Variants in AGBL4 observed in about 807,000 individuals in gnomAD.
The protein encoded by AGBL4 is AGBL carboxypeptidase 4.
A neutral mutation model predicts 66.4 loss-of-function variants in AGBL4; 58 were observed. That is an observed-to-expected ratio of 0.87 (90% CI 0.71 to 1.09). AGBL4 has a LOEUF of 1.09. AGBL4 is among the 50% of genes least tolerant of loss of function. AGBL4 has a pLI of 0.00. For synonymous variants in AGBL4, 234 were observed against 222.9 expected, an observed-to-expected ratio of 1.05 and a Z score of -0.44; for missense variants, 579 against 631.0, an observed-to-expected ratio of 0.92 and a Z score of 0.88.
intron 4 of AGBL4, among the ~76,000 whole-genome samples, chr1:49,200,901 G>A (rs1647648593): frequency 6.6e-6 from 1 of 152,108 alleles, no homozygotes; most frequent in South Asian, 2.1e-4. Flanking sequence ...GGGGGGTGGG[G>A]TTAAAAAGCC....
chr1:49,493,791 T>A (rs555016265), intron 3 of AGBL4, among the ~76,000 whole-genome samples: 1 of 152,144 alleles, frequency 6.6e-6, no homozygotes, highest in Non-Finnish European at 1.5e-5. Flanking sequence ...AAAAAATAAA[T>A]CCTATTTTTT....
At chr1:49,645,081 A>T (rs1318345239) in intron 3 of AGBL4, among the ~76,000 whole-genome samples, 1 of 151,608 alleles carries the variant, frequency 6.6e-6, no homozygotes, top group Non-Finnish European at 1.5e-5. Context: ...TGAACTAAAC[A>T]GAAATAAAAA....
chr1:48,911,245 TC>T (rs1181406237), intron 5 of AGBL4, among the ~76,000 whole-genome samples: 28 of 152,250 alleles, frequency 1.8e-4, no homozygotes, highest in Admixed American at 1.5e-3. Context: ...TTATGAGGAG[TC>T]CTAGCTCCTC....
chr1:48,802,419 GTGTCTGGACCCCCATC>G (rs1252904498), intron 6 of AGBL4, among the ~76,000 whole-genome samples: 1 of 10,986 alleles, frequency 9.1e-5, no homozygotes, highest in Non-Finnish European at 2.6e-3. Context: ...TCTTATTTAT[GTGTCTGGACCCCCATC>G]AGTCTGGGCT....
intron 3 of AGBL4, among the ~76,000 whole-genome samples, chr1:49,479,383 T>C (rs1341729394): frequency 6.6e-6 from 1 of 151,950 alleles, no homozygotes; most frequent in Non-Finnish European, 1.5e-5. Flanking sequence ...GGGTTGGTCA[T>C]AAAAATTATT....
At chr1:49,506,001 T>C (rs758310157) in intron 3 of AGBL4, among the ~76,000 whole-genome samples, 1 of 152,036 alleles carries the variant, frequency 6.6e-6, no homozygotes, top group Non-Finnish European at 1.5e-5. Flanking sequence ...ATACTCTCTA[T>C]TGCATTTTTC....
At chr1:49,071,567 T>G (rs1252052533) in intron 4 of AGBL4, among the ~76,000 whole-genome samples, 6 of 152,002 alleles carry the variant, frequency 3.9e-5, no homozygotes, top group Non-Finnish European at 7.3e-5. Flanking sequence ...AGTGAGTTTC[T>G]TAATCCTGAG....
chr1:49,683,184 G>A (rs892033810), intron 3 of AGBL4, among the ~76,000 whole-genome samples: 2 of 151,936 alleles, frequency 1.3e-5, no homozygotes, highest in Non-Finnish European at 2.9e-5. Flanking sequence ...ACAAATTCAG[G>A]CAAAAAAGGC....
At chr1:49,706,221 T>G (rs1647215646) in intron 2 of AGBL4, among the ~76,000 whole-genome samples, 2 of 152,196 alleles carry the variant, frequency 1.3e-5, no homozygotes, top group Admixed American at 6.5e-5. Context: ...TGCCTCAACT[T>G]CAGAACATTT....
At chr1:49,928,623 A>T (rs1196065251) in intron 1 of AGBL4, among the ~76,000 whole-genome samples, 1 of 152,190 alleles carries the variant, frequency 6.6e-6, no homozygotes, top group East Asian at 1.9e-4. Context: ...AATGGTCAAA[A>T]TTTACCATAT....
chr1:49,920,556 A>T (rs1652116572), intron 1 of AGBL4, among the ~76,000 whole-genome samples: 1 of 152,188 alleles, frequency 6.6e-6, no homozygotes, highest in Non-Finnish European at 1.5e-5. Flanking sequence ...ATCTCACACC[A>T]GTTAGAATGG....
intron 5 of AGBL4, among the ~76,000 whole-genome samples, chr1:48,879,713 A>ATGTT: frequency 6.6e-6 from 1 of 152,248 alleles, no homozygotes. Context: ...TCTGTACCAT[A>ATGTT]ATGCAGGTAT....
chr1:48,714,882 G>A (rs902566521), intron 6 of AGBL4, among the ~76,000 whole-genome samples: 6 of 152,184 alleles, frequency 3.9e-5, no homozygotes, highest in African/African-American at 1.2e-4. Context: ...CTCATTCATC[G>A]ATTCAACTTT....
At chr1:49,925,569 G>T (rs1652681734) in intron 1 of AGBL4, among the ~76,000 whole-genome samples, 1 of 152,102 alleles carries the variant, frequency 6.6e-6, no homozygotes, top group African/African-American at 2.4e-5. Flanking sequence ...GCATCAGGTG[G>T]ACTCGTGAGG....
intron 8 of AGBL4, among the ~76,000 whole-genome samples, chr1:48,648,807 T>C (rs1231707786): frequency 6.6e-6 from 1 of 152,204 alleles, no homozygotes; most frequent in African/African-American, 2.4e-5. Flanking sequence ...TCCAGTTTGT[T>C]AAATTATAAC....
chr1:49,097,706 G>T (rs1466993696), intron 4 of AGBL4, among the ~76,000 whole-genome samples: 1 of 152,192 alleles, frequency 6.6e-6, no homozygotes, highest in African/African-American at 2.4e-5. Context: ...TCAGCCTCCG[G>T]AGTAGCTGGG....
At chr1:49,613,903 T>A (rs1475411933) in intron 3 of AGBL4, among the ~76,000 whole-genome samples, 1 of 152,136 alleles carries the variant, frequency 6.6e-6, no homozygotes, top group Admixed American at 6.5e-5. Context: ...GGGATTGCTG[T>A]CCTAAACCTA....
chr1:49,481,504 G>T (rs887924963), intron 3 of AGBL4, among the ~76,000 whole-genome samples: 64 of 151,776 alleles, frequency 4.2e-4, no homozygotes, highest in African/African-American at 1.5e-3. Context: ...CTTTCCTGAA[G>T]TTATCAGTTT....
At chr1:48,523,762 T>C in the AGBL4 span, among the ~76,000 whole-genome samples, 12 of 152,168 alleles carry the variant, frequency 7.9e-5, 1 homozygote. Context: ...AGGGATACGT[T>C]CTGAGAAATG....
Sources: allele counts gnomAD v4.1 joint callset (sites outside exome capture counted in the v4.1 genomes callset), GRCh38; gene constraint gnomAD v4.1.1; transcripts MANE v1.5; gene names NCBI Gene and HGNC (gene_info 2026-07-23, HGNC 2026-07-21).